ACLY: variants seen among roughly 807,000 people sequenced by gnomAD.
ACLY encodes ATP-citrate synthase.
Under a neutral mutation model 133.0 loss-of-function variants are expected in ACLY, and 41 were observed. The ratio of observed to expected loss-of-function variants is 0.31; its 90% CI spans 0.24 to 0.40. ACLY has a LOEUF of 0.40. Ranked by LOEUF, ACLY falls within the 10% of genes least tolerant of loss-of-function variation. The pLI is 1.00. For synonymous variants in ACLY, 495 were observed against 549.3 expected (o/e 0.90, Z 1.38); for missense variants, 1,046 against 1,453.8 (o/e 0.72, Z 4.56).
At chr17:41,884,126 T>C in intron 19 of ACLY, 67 bp downstream of exon 19, 1 of 1,001,798 alleles carries the variant, frequency 1.0e-6, no homozygotes, top group South Asian at 1.3e-5. Flanking sequence ...AATGTTTTAA[T>C]TTTTTGAAAA....
At chr17:41,916,912 A>G (rs1297262717) in intron 1 of ACLY, among the ~76,000 whole-genome samples, 2 of 151,904 alleles carry the variant, frequency 1.3e-5, no homozygotes, top group African/African-American at 4.8e-5. Context: ...CGGGAGGCCA[A>G]GGAGGGCAAA....
At chr17:41,879,654 A>AAAAAAAAAAC (rs1555626877) in intron 20 of ACLY, among the ~76,000 whole-genome samples, 1 of 35,908 alleles carries the variant, frequency 2.8e-5, no homozygotes, top group Non-Finnish European at 6.5e-5. Flanking sequence ...TCTCAAAAAA[A>AAAAAAAAAAC]AAAAAAAAAA....
intron 28 of ACLY, among the ~76,000 whole-genome samples, chr17:41,868,220 C>G (rs1487459153): frequency 1.3e-5 from 2 of 151,956 alleles, no homozygotes; most frequent in South Asian, 4.1e-4. Context: ...GGGCAGATCA[C>G]GAGGTTGGGA....
chr17:41,890,426 T>C (rs1009237326), intron 16 of ACLY, among the ~76,000 whole-genome samples: 10 of 151,526 alleles, frequency 6.6e-5, no homozygotes, highest in East Asian at 1.9e-4. Context: ...GGCTCACGCC[T>C]GTAATCCCAG....
chr17:41,913,348 AC>A lies in ACLY; in HGVS notation c.159+366del, dbSNP rs2049957842. Among the ~76,000 whole-genome samples, 5 of 152,374 alleles carry A rather than the reference AC, an allele frequency of 3.3e-5. No individual in the cohort carries two copies. The South Asian group carries it at 1.0e-3, about 32-fold the overall frequency. The stretch of plus-strand genomic sequence containing the variant: ...ATCTACCATGTGCCAGGCACCAAGC[AC>A]GCTAAATGCTTCTTGCTAATCTTTA... On this transcript the variant is annotated intron_variant, in intron 2 of 28. Transcript: ENST00000352035.
intron 10 of ACLY, among the ~76,000 whole-genome samples, chr17:41,903,381 T>C (rs1213340989): frequency 1.3e-5 from 2 of 152,026 alleles, no homozygotes; most frequent in African/African-American, 2.4e-5. Context: ...AAGACCCCAG[T>C]AGGATGAGAG....
upstream of ACLY, among the ~76,000 whole-genome samples, chr17:41,919,252 G>C (rs2050141521): frequency 6.6e-6 from 1 of 152,064 alleles, no homozygotes. Flanking sequence ...CGCGGTGCTG[G>C]GGGTTGTGGC....
chr17:41,889,962 C>T (rs754812796), intron 16 of ACLY, among the ~76,000 whole-genome samples: 7 of 152,094 alleles, frequency 4.6e-5, no homozygotes, highest in African/African-American at 9.7e-5. Flanking sequence ...TGTGAGTCAC[C>T]GCACCCAGCC....
upstream of ACLY, among the ~76,000 whole-genome samples, chr17:41,921,971 A>G (rs4796622): frequency 0.88 from 133,659 of 152,164 alleles, 59,150 homozygotes; most frequent in East Asian, 1. Flanking sequence ...TGAGGCAGGC[A>G]GATCACTTGA....
At chr17:41,921,131 C>CA (rs34787014), upstream of ACLY, among the ~76,000 whole-genome samples, 22 of 131,548 alleles carry the variant, frequency 1.7e-4, no homozygotes, top group African/African-American at 5.2e-4. Flanking sequence ...CATCTCAAAG[C>CA]AAAAAAAAAA....
chr17:41,890,334 A>T (rs1229649309), intron 16 of ACLY, among the ~76,000 whole-genome samples: 5 of 152,224 alleles, frequency 3.3e-5, no homozygotes, highest in Admixed American at 3.3e-4. Flanking sequence ...TTTTATAATG[A>T]AATGTTGGAG....
At position 41,925,797 on chromosome 17, in the gene ACLY, C is replaced by T. The variant is rs186980752; in HGVS notation, c.-28+4561G>A. Among the ~76,000 whole-genome samples, 430 of 151,760 alleles carry T rather than the reference C, an allele frequency of 2.8e-3. 2 individuals carry two copies. The highest frequency in any genetic ancestry group is 0.01 in the African/African-American group (418 of 41,376). ...GTGGAGAGAGGCCTTTCACAGGACC[C>T]CCTGCTAGCAATATGTTTCTTGATT... is the stretch of plus-strand genomic sequence containing the variant. On this transcript the variant is annotated intron_variant, in intron 1 of 3. Coordinates refer to the ACLY transcript ENST00000592970.
upstream of ACLY, among the ~76,000 whole-genome samples, chr17:41,921,763 A>C (rs1397903272): frequency 1.3e-5 from 2 of 151,760 alleles, no homozygotes; most frequent in Non-Finnish European, 2.9e-5. Flanking sequence ...TGCGTCCAGG[A>C]GTTCAAAACC....
At chr17:41,882,396 A>AAAAAAAAAAC (rs2048941959) in intron 20 of ACLY, among the ~76,000 whole-genome samples, 2 of 146,582 alleles carry the variant, frequency 1.4e-5, no homozygotes, top group South Asian at 2.2e-4. Flanking sequence ...AAAAAAAAAA[A>AAAAAAAAAAC]AGTTGTTTCC....
intron 22 of ACLY, among the ~76,000 whole-genome samples, chr17:41,876,356 G>A (rs534380302): frequency 2.4e-4 from 36 of 149,626 alleles, no homozygotes; most frequent in Non-Finnish European, 3.1e-4. Context: ...CTGCCCGGCC[G>A]CCCCTACTGG....
At chr17:41,906,371 C>A (rs2144379763) in intron 8 of ACLY, among the ~76,000 whole-genome samples, 157 bp downstream of exon 8, 1 of 152,328 alleles carries the variant, frequency 6.6e-6, no homozygotes, top group South Asian at 2.1e-4. Context: ...GCAGGACAGG[C>A]CCTCACCAAC....
In ACLY at chr17:41,883,122, C is replaced by G. The variant is rs782588191; in HGVS notation, c.2265G>C (p.Glu755Asp). 6 of 1,613,448 alleles carry G rather than the reference C, an allele frequency of 3.7e-6. No homozygotes were observed. Among genetic ancestry groups the G allele is most frequent in the Admixed American group, 3.3e-5 (2 of 59,964 alleles). The change falls in exon 20 of 29, where the codon GAG (glutamate) becomes GAC (aspartate). Residue 755 changes from glutamate to aspartate, a missense_variant and splice_region_variant. By Grantham distance (45) the Glu-to-Asp change is conservative. Around this residue, in one of 4 missense-constraint regions of ACLY, gnomAD observed 575 missense variants for 804.2 expected, o/e 0.71. Coordinates refer to ENST00000352035, the MANE Select transcript of ACLY (RefSeq NM_001096.3). Reference protein sequence around the residue: ...IGTCATMFSSEVQFGHAGACA... With the variant: ...IGTCATMFSSDVQFGHAGACA... ...CAGAAGTGACCCATCTCAGCCATAC[C>G]TCAGAGGAGAACATGGTGGCACACG...
chr17:41,871,399 CT>C lies in ACLY; in HGVS notation c.2937+289del, dbSNP rs1255041958. Among the ~76,000 whole-genome samples the C allele has an allele frequency of 9.4e-5, 14 of 149,434 alleles. No homozygotes were observed. The South Asian group carries it at 2.5e-3, about 27-fold the overall frequency. ...TGGAGTTTCACTCTTGTTGCCCAGA[CT>C]GGAGTGCCATGGCACAATCTCGGCT... is the stretch of plus-strand genomic sequence containing the variant. On this transcript the variant is annotated intron_variant, in intron 25 of 28. Transcript: ENST00000352035.
intron 1 of ACLY, among the ~76,000 whole-genome samples, chr17:41,916,378 G>GTT (rs71155191): frequency 1.6e-4 from 22 of 141,202 alleles, no homozygotes; most frequent in African/African-American, 5.1e-4. Flanking sequence ...GTTTTGTTTT[G>GTT]TTTTTTTTTT....
Sources: allele counts gnomAD v4.1 joint callset (sites outside exome capture counted in the v4.1 genomes callset), GRCh38; gene constraint gnomAD v4.1.1; regional missense constraint gnomAD v4.1.1; transcripts MANE v1.5; gene names NCBI Gene and HGNC (gene_info 2026-07-23, HGNC 2026-07-21).